LRBA: variants seen among roughly 807,000 people sequenced by gnomAD.
LRBA encodes lipopolysaccharide-responsive and beige-like anchor protein.
A neutral mutation model predicts 330.0 loss-of-function variants in LRBA; 176 were observed. The ratio of observed to expected loss-of-function variants is 0.53; its 90% CI spans 0.47 to 0.60. The LOEUF (loss-of-function observed/expected upper bound fraction) is 0.60. Ranked by LOEUF, LRBA falls within the 20% of genes least tolerant of loss-of-function variation. The pLI is 0.00. For synonymous variants in LRBA, 1,230 were observed against 1,193.0 expected, an observed-to-expected ratio of 1.03 and a Z score of -0.64; for missense variants, 3,259 against 3,444.8, an observed-to-expected ratio of 0.95 and a Z score of 1.35.
intron 36 of LRBA, among the ~76,000 whole-genome samples, chr4:150,729,729 A>G (rs1730183764): frequency 6.6e-6 from 1 of 152,230 alleles, no homozygotes; most frequent in Non-Finnish European, 1.5e-5. Flanking sequence ...GAATCAGATT[A>G]TCTGACTTCA....
chr4:150,449,415 A>G (rs1213125290), intron 44 of LRBA, among the ~76,000 whole-genome samples: 3 of 151,874 alleles, frequency 2.0e-5, no homozygotes, highest in Non-Finnish European at 4.4e-5. Context: ...GACCATTTCA[A>G]TGGGATCTAC....
At chr4:150,755,646 A>C (rs1734193162) in intron 35 of LRBA, among the ~76,000 whole-genome samples, 1 of 152,154 alleles carries the variant, frequency 6.6e-6, no homozygotes, top group African/African-American at 2.4e-5. Context: ...ACTATCAAAC[A>C]TTTAAAAAAT....
At chr4:150,763,212 G>A (rs1735330235) in intron 34 of LRBA, among the ~76,000 whole-genome samples, 1 of 151,906 alleles carries the variant, frequency 6.6e-6, no homozygotes, top group Admixed American at 6.6e-5. Context: ...TATTCTCAAG[G>A]AATGAGCAAG....
chr4:150,737,516 GAAAAGAA>G (rs1413248928), intron 35 of LRBA, among the ~76,000 whole-genome samples: 51 of 115,936 alleles, frequency 4.4e-4, no homozygotes, highest in Non-Finnish European at 8.0e-4. Context: ...AGAAAGGAAA[GAAAAGAA>G]AAAAGAAAAG....
rs551931955 is a variant in LRBA at position 150,312,699 on chromosome 4, A to G, written c.7694-2315T>C. Among the ~76,000 whole-genome samples, 7 of 152,314 alleles carry G rather than the reference A, an allele frequency of 4.6e-5. No homozygotes were observed. In the East Asian group the frequency reaches 1.3e-3, roughly 29 times the overall value. ...GCTGTCAATTGGTAGATAATTAAAAATAAGTTTTAATGATAGACTGTTAAA... is the reference window on the plus strand; with the variant it reads ...GCTGTCAATTGGTAGATAATTAAAAGTAAGTTTTAATGATAGACTGTTAAA... On this transcript the variant is annotated intron_variant, in intron 51 of 56. Coordinates refer to ENST00000651943, the MANE Select transcript of LRBA (RefSeq NM_001364905.1).
At position 150,761,822 on chromosome 4, in the gene LRBA, T is replaced by C; in HGVS notation, c.5606A>G (p.Asn1869Ser). The change falls in exon 35 of 57, where the codon AAT (asparagine) becomes AGT (serine). Residue 1869 changes from asparagine (N) to serine (S), a missense_variant. Physicochemically the swap from Asn to Ser is conservative, Grantham distance 46. Coordinates refer to ENST00000651943, the MANE Select transcript of LRBA (RefSeq NM_001364905.1). ...SQEWQNSIQK[N>S]AGLAFIELVN... ...AAGTTCGATAAAAGCAAGGCCTGCATTCTTCTGAATAGAATTTTGCCACTC... is the reference window on the plus strand; with the variant it reads ...AAGTTCGATAAAAGCAAGGCCTGCACTCTTCTGAATAGAATTTTGCCACTC... 2 of 1,542,688 alleles carry C rather than the reference T, an allele frequency of 1.3e-6. No individual in the cohort carries two copies. The highest frequency in any genetic ancestry group is 2.6e-5 in the South Asian group (2 of 77,198).
At chr4:150,895,590 A>G (rs1729977561) in intron 16 of LRBA, among the ~76,000 whole-genome samples, 2 of 152,312 alleles carry the variant, frequency 1.3e-5, no homozygotes, top group South Asian at 4.1e-4. Flanking sequence ...AGCTTCATCC[A>G]TGTCCCTACA....
chr4:150,744,939 T>C (rs545505971), intron 35 of LRBA, among the ~76,000 whole-genome samples: 1 of 152,308 alleles, frequency 6.6e-6, no homozygotes, highest in Non-Finnish European at 1.5e-5. Context: ...AGTTCTGCCC[T>C]AGCATACTGC....
At chr4:150,277,822 C>G (rs996558961) in intron 56 of LRBA, 31 bp downstream of exon 56, 2 of 1,608,798 alleles carry the variant, frequency 1.2e-6, no homozygotes, top group Non-Finnish European at 8.5e-7. Flanking sequence ...TTTTTGAAAC[C>G]CCTATTTGTA....
At chr4:150,728,606 T>A (rs1209465900) in intron 36 of LRBA, among the ~76,000 whole-genome samples, 1 of 152,072 alleles carries the variant, frequency 6.6e-6, no homozygotes, top group Non-Finnish European at 1.5e-5. Context: ...AAAATGATCA[T>A]TTCAATTGAT....
At chr4:150,383,349 T>TG (rs1452943651) in intron 47 of LRBA, among the ~76,000 whole-genome samples, 2 of 152,114 alleles carry the variant, frequency 1.3e-5, no homozygotes, top group African/African-American at 2.4e-5. Context: ...CAGGGTCAAG[T>TG]GATCCTCCCA....
intron 40 of LRBA, among the ~76,000 whole-genome samples, chr4:150,556,587 C>CTTAA (rs1473790158): frequency 2.6e-5 from 4 of 152,202 alleles, no homozygotes; most frequent in Non-Finnish European, 5.9e-5. Context: ...AATCTCTTTA[C>CTTAA]TTAAAAGCTC....
intron 53 of LRBA, among the ~76,000 whole-genome samples, chr4:150,297,570 A>T (rs1729128090): frequency 2.0e-5 from 3 of 152,224 alleles, no homozygotes; most frequent in African/African-American, 7.2e-5. Context: ...GAAGGTCTTG[A>T]TGAGACACAC....
chr4:150,933,657 G>A (rs1734752797), intron 2 of LRBA, among the ~76,000 whole-genome samples: 1 of 151,878 alleles, frequency 6.6e-6, no homozygotes, highest in Non-Finnish European at 1.5e-5. Flanking sequence ...ATACACTTTT[G>A]AACAATTTGA....
At chr4:150,919,405 G>A (rs1732999700) in intron 5 of LRBA, among the ~76,000 whole-genome samples, 1 of 152,096 alleles carries the variant, frequency 6.6e-6, no homozygotes, top group Non-Finnish European at 1.5e-5. Context: ...AACTGCACAA[G>A]TGTCTGTTTT....
chr4:150,445,390 T>C lies in LRBA; in HGVS notation c.6781-8526A>G, dbSNP rs1353403127. ...CTCTCTCTCTCTCTATATATATATA[T>C]ATATATATATATATATATATACATA... On this transcript the variant is annotated intron_variant, in intron 44 of 56. Transcript: ENST00000651943. 2.0e-4 allele frequency among the ~76,000 whole-genome samples: 21 copies of C among 106,110 alleles called. 1 individual carries two copies. The highest frequency in any genetic ancestry group is 3.1e-4 in the Non-Finnish European group (16 of 51,788). The allele number at this position is 106,110 out of a possible 152,430, so 69.6% of individuals were successfully genotyped here.
chr4:150,931,210 T>C (rs62344605), intron 2 of LRBA, among the ~76,000 whole-genome samples: 3,192 of 152,102 alleles, frequency 0.021, 61 homozygotes, highest in Non-Finnish European at 0.031. Context: ...CCAATGTATA[T>C]ATATTACATA....
intron 46 of LRBA, among the ~76,000 whole-genome samples, chr4:150,426,686 A>T (rs531338519): frequency 5.3e-5 from 8 of 152,064 alleles, no homozygotes; most frequent in Admixed American, 4.6e-4. Flanking sequence ...AATTATGCCC[A>T]TTTATAAAAG....
rs779910816 is a variant in LRBA at position 150,583,129 on chromosome 4, G to T, written c.6330+4919C>A. 1.1e-5 allele frequency: 18 copies of T among 1,614,224 alleles called. No individual in the cohort carries two copies. The highest frequency in any genetic ancestry group is 1.4e-5 in the Non-Finnish European group (17 of 1,180,036). On this transcript the variant is annotated intron_variant, in intron 40 of 56. Coordinates refer to ENST00000651943, the MANE Select transcript of LRBA (RefSeq NM_001364905.1). The surrounding 1 kb of genome is among the most constrained non-coding windows in gnomAD (Gnocchi z 9.8). ...GGCCATCGCCAAAACCATCCGAGAG[G>T]TCTGTAAGGTGGTCTCGGACGTGCT... is the stretch of plus-strand genomic sequence containing the variant.
Sources: gnomAD v4.1 joint callset for allele counts (sites outside exome capture counted in the v4.1 genomes callset) on GRCh38, gnomAD v4.1.1 for gene constraint, Gnocchi (gnomAD v3.1) non-coding constraint, MANE v1.5 for transcripts, NCBI Gene and HGNC (gene_info 2026-07-23, HGNC 2026-07-21) for gene names.